The following ASPHD1 variants were observed in gnomAD, a reference collection of about 807,000 sequenced individuals.
ASPHD1 encodes aspartate beta-hydroxylase domain containing 1.
ASPHD1 carries 20 observed loss-of-function variants against 28.3 expected under a neutral mutation model. The ratio of observed to expected loss-of-function variants is 0.71; its 90% CI spans 0.50 to 1.03. The LOEUF (loss-of-function observed/expected upper bound fraction) is 1.03, where lower values mean the gene tolerates loss of function less well. Ranked by LOEUF, ASPHD1 falls within the 50% of genes least tolerant of loss-of-function variation. The probability of loss-of-function intolerance (pLI) is 0.00; values close to 1 mark genes in which losing one functional copy is unlikely to be tolerated. For synonymous variants in ASPHD1, 240 were observed against 221.2 expected, an observed-to-expected ratio of 1.08 and a Z score of -0.75; for missense variants, 479 against 524.1, an observed-to-expected ratio of 0.91 and a Z score of 0.84.
chr16:29,904,391 A>T (rs2068580798), intron 1 of ASPHD1, among the ~76,000 whole-genome samples: 1 of 151,880 alleles, frequency 6.6e-6, no homozygotes, highest in Non-Finnish European at 1.5e-5. Flanking sequence ...GGTTGCAGTG[A>T]GCCAAGATCA....
chr16:29,910,982 G>A, downstream of ASPHD1: 1 of 1,613,730 alleles, frequency 6.2e-7, no homozygotes, highest in Non-Finnish European at 8.5e-7. Context: ...TCTGACCTTG[G>A]TCTGCTTCTT....
downstream of ASPHD1, chr16:29,907,140 C>T: frequency 6.6e-7 from 1 of 1,514,674 alleles, no homozygotes; most frequent in South Asian, 1.2e-5. Flanking sequence ...CAGCTCCTTC[C>T]TTCTGGTGCA....
At chr16:29,906,412 C>T (rs1238405052), downstream of ASPHD1, 6 of 366,778 alleles carry the variant, frequency 1.6e-5, no homozygotes, top group Non-Finnish European at 2.7e-5. Flanking sequence ...AGACTGATAA[C>T]GCTGAGCTGG....
chr16:29,917,923 G>C (rs1173545107), intron 3 of ASPHD1, among the ~76,000 whole-genome samples: 1 of 152,120 alleles, frequency 6.6e-6, no homozygotes, highest in Non-Finnish European at 1.5e-5. Context: ...ACTCTAACCT[G>C]GGTGACAGAT....
chr16:29,907,012 C>T (rs2068625170), downstream of ASPHD1: 1 of 1,614,070 alleles, frequency 6.2e-7, no homozygotes, highest in South Asian at 1.1e-5. Context: ...GCTGCTCCCC[C>T]TGTGGCCTCC....
At chr16:29,907,011 C>G (rs762459459), downstream of ASPHD1, 14 of 1,614,188 alleles carry the variant, frequency 8.7e-6, no homozygotes, top group Middle Eastern at 1.6e-4. Context: ...AGCTGCTCCC[C>G]CTGTGGCCTC....
chr16:29,901,539 CT>C lies in ASPHD1; in HGVS notation c.572del (p.Phe191SerfsTer37). ...CCTAGGTATTCAGCGCCCAGGCCTGCTTTTCCTACCAGACCTGCCTTCAGCC... is the reference window on the plus strand; with the variant it reads ...CCTAGGTATTCAGCGCCCAGGCCTGCTTTCCTACCAGACCTGCCTTCAGCC... The part of the protein sequence containing the change: ...GVLGIQRPGL[L>X]FLPDLPSAPF... On this transcript the variant is annotated frameshift_variant, in exon 1 of 3. Transcript: ENST00000308748. LOFTEE classifies it high-confidence loss of function. This position sits in a 1 kb window ranked among gnomAD's most constrained non-coding sequence, Gnocchi z 5.1. 1 of 1,567,118 alleles carries C rather than the reference CT, an allele frequency of 6.4e-7. No individual in the cohort carries two copies.
downstream of ASPHD1, chr16:29,906,244 G>A: frequency 5.3e-6 from 1 of 190,442 alleles, no homozygotes; most frequent in East Asian, 1.5e-4. Context: ...TCAACCTCCT[G>A]AGTAGTTGGG....
chr16:29,911,366 C>CCAGCA lies in ASPHD1; in HGVS notation c.*62+5423_*62+5427dup, dbSNP rs750171107. On this transcript the variant is annotated intron_variant and NMD_transcript_variant, in intron 3 of 3. Coordinates refer to the ASPHD1 transcript ENST00000414952. Reference sequence around the variant, plus strand: ...GGAAGCCACATGCGCTGAGCAAATCCCAGCACAGCACAGCACAGCAGCTCC... The same window carrying CCAGCA: ...GGAAGCCACATGCGCTGAGCAAATCCCAGCACAGCACAGCACAGCACAGCAGCTCC... 1,992 of 603,282 alleles carry CCAGCA rather than the reference C, an allele frequency of 3.3e-3. 9 individuals carry two copies. Among genetic ancestry groups the CCAGCA allele is most frequent in the Middle Eastern group, 4.9e-3 (11 of 2,252 alleles). 37.4% of individuals were successfully genotyped at this position (603,282 alleles called of 1,614,324 possible).
chr16:29,906,099 T>C, downstream of ASPHD1: 1 of 454,766 alleles, frequency 2.2e-6, no homozygotes, highest in Non-Finnish European at 3.9e-6. Context: ...GGGCAGGGCC[T>C]TATGTCTTCT....
rs1227216994 is a variant in ASPHD1, at chr16:29,901,378, C to T, written c.407C>T (p.Pro136Leu). ...CCAAGCCCAGGGGGTCCTGGGGATC[C>T]CGGGGAAGGACCTAGGACGGAAGGC... ...GGPSPGGPGDPGEGPRTEGLV... is the reference protein window; with the variant it reads ...GGPSPGGPGDLGEGPRTEGLV... Residue 136 changes from proline to leucine, a missense_variant, in exon 1 of 3, where the codon CCC becomes CTC. By Grantham distance (98) the Pro-to-Leu change is moderately conservative (BLOSUM62 -3). Transcript: ENST00000308748. This position sits in a 1 kb window ranked among gnomAD's most constrained non-coding sequence, Gnocchi z 5.1. 1.3e-6 allele frequency: 2 copies of T among 1,591,702 alleles called. No individual in the cohort carries two copies. The highest frequency in any genetic ancestry group is 1.7e-6 in the Non-Finnish European group (2 of 1,170,380).
chr16:29,912,038 C>A, intron 3 of ASPHD1: 1 of 1,606,522 alleles, frequency 6.2e-7, no homozygotes, highest in Non-Finnish European at 8.5e-7. Flanking sequence ...GGGACAGCGT[C>A]TCCCTTTTTT....
downstream of ASPHD1, among the ~76,000 whole-genome samples, chr16:29,910,214 A>G (rs2068682172): frequency 6.6e-6 from 1 of 151,686 alleles, no homozygotes; most frequent in African/African-American, 2.4e-5. Context: ...CCTGGCCAAC[A>G]TGGTGAAACC....
chr16:29,911,741 C>T, intron 3 of ASPHD1: 2 of 1,540,248 alleles, frequency 1.3e-6, no homozygotes, highest in Admixed American at 3.5e-5. Flanking sequence ...GTGGCCGTGG[C>T]CCTCGCCTTG....
At chr16:29,917,663 C>T (rs1163295958) in intron 3 of ASPHD1, among the ~76,000 whole-genome samples, 1 of 152,076 alleles carries the variant, frequency 6.6e-6, no homozygotes, top group Non-Finnish European at 1.5e-5. Context: ...CCTGTAATCC[C>T]AGCTACTCAG....
At chr16:29,904,122 A>G (rs942410170) in intron 1 of ASPHD1, among the ~76,000 whole-genome samples, 1 of 145,744 alleles carries the variant, frequency 6.9e-6, no homozygotes, top group Non-Finnish European at 1.5e-5. Flanking sequence ...CACTGTCTGT[A>G]TAAGAATAAA....
chr16:29,912,915 C>T (rs537553220), intron 3 of ASPHD1, among the ~76,000 whole-genome samples: 110 of 152,286 alleles, frequency 7.2e-4, no homozygotes, highest in African/African-American at 2.5e-3. Flanking sequence ...GGTGGGATGA[C>T]GTTGGAGAAA....
In ASPHD1 at chr16:29,905,990, T is replaced by TGGGGGGGGGG; in HGVS notation, c.*96_*97insGGGGGGGGGG. 2 of 428,266 alleles carry TGGGGGGGGGG rather than the reference T, an allele frequency of 4.7e-6. No individual in the cohort carries two copies. The highest frequency in any genetic ancestry group is 4.4e-6 in the Non-Finnish European group (1 of 224,720). The allele number at this position is 428,266 out of a possible 1,614,324, so 26.5% of individuals were successfully genotyped here. Reference sequence around the variant, plus strand: ...CAGGACCTCCTCTCTACTGCGGGGGTGGGCGGGGGCGGAGGATGGGAACTG... The same window carrying TGGGGGGGGGG: ...CAGGACCTCCTCTCTACTGCGGGGGTGGGGGGGGGGGGGCGGGGGCGGAGGATGGGAACTG... On this transcript the variant is annotated 3_prime_UTR_variant, in exon 3 of 3. Transcript: ENST00000308748.
Position 29,901,488 on chromosome 16 carries a change from C to T in ASPHD1, c.517C>T (p.Pro173Ser), listed in dbSNP as rs1181613697. The T allele has an allele frequency of 6.5e-7, 1 of 1,538,516 alleles. No homozygotes were observed. Among genetic ancestry groups the T allele is most frequent in the East Asian group, 2.2e-5 (1 of 44,692 alleles). ...AGTGAGGCGGGCAGCTCAGGGTGGC[C>T]CAGGCCCTGGGAGAGGGCCAGGGGT... is the stretch of plus-strand genomic sequence containing the variant. ...GRVRRAAQGG[P>S]GPGRGPGVLG... The change falls in exon 1 of 3, where the codon CCA becomes TCA. Residue 173 changes from proline (P) to serine (S), a missense_variant. Coordinates refer to ENST00000308748, the MANE Select transcript of ASPHD1 (RefSeq NM_181718.4). This position sits in a 1 kb window ranked among gnomAD's most constrained non-coding sequence, Gnocchi z 5.1.
Sources: allele counts gnomAD v4.1 joint callset (sites outside exome capture counted in the v4.1 genomes callset), GRCh38; gene constraint gnomAD v4.1.1; non-coding constraint Gnocchi (gnomAD v3.1); transcripts MANE v1.5; gene names NCBI Gene and HGNC (gene_info 2026-07-23, HGNC 2026-07-21).